The following DAB1 variants were observed in gnomAD, a reference collection of about 807,000 sequenced individuals.
DAB1 encodes the protein disabled homolog 1.
In DAB1, 15 loss-of-function variants were observed where a neutral mutation model predicts 64.6. The observed-to-expected ratio is 0.23, with a 90% CI of 0.16 to 0.36. DAB1 has a LOEUF of 0.36. DAB1 is among the 10% of genes least tolerant of loss of function. The pLI is 1.00. For synonymous variants in DAB1, 235 were observed against 251.9 expected (o/e 0.93, Z 0.64); for missense variants, 596 against 706.7 (o/e 0.84, Z 1.78).
chr1:58,536,808 C>T, intron 1 of DAB1: 1 of 783,740 alleles, frequency 1.3e-6, no homozygotes. Flanking sequence ...AGCTCAAATG[C>T]ATACACTAGA....
At chr1:58,333,449 A>T (rs771670002) in intron 4 of DAB1, among the ~76,000 whole-genome samples, 1 of 152,260 alleles carries the variant, frequency 6.6e-6, no homozygotes, top group Non-Finnish European at 1.5e-5. Flanking sequence ...TTGATAGAGG[A>T]TGTTAACAGA....
chr1:57,496,437 A>G lies in DAB1; in HGVS notation n.625+153155T>C, dbSNP rs12121293. On this transcript the variant is annotated intron_variant and non_coding_transcript_variant, in intron 7 of 20. Transcript: ENST00000485760. Reference sequence around the variant, plus strand: ...TAAAAAAACACACACAGAACCTTCAATGGTGCCCAGTATACCGTAGATTCT... The same window carrying G: ...TAAAAAAACACACACAGAACCTTCAGTGGTGCCCAGTATACCGTAGATTCT... Among the ~76,000 whole-genome samples the G allele has an allele frequency of 4.3e-3, 654 of 152,324 alleles. 1 individual carries two copies. The highest frequency in any genetic ancestry group is 7.1e-3 in the Non-Finnish European group (484 of 68,030).
At chr1:57,416,432 A>G (rs910199011) in intron 1 of DAB1, among the ~76,000 whole-genome samples, 6 of 152,154 alleles carry the variant, frequency 3.9e-5, no homozygotes, top group Non-Finnish European at 7.4e-5. Flanking sequence ...CAATTTTAAA[A>G]TTTCCTCTTT....
At chr1:57,081,356 C>A (rs879661246) in intron 4 of DAB1, among the ~76,000 whole-genome samples, 1 of 152,158 alleles carries the variant, frequency 6.6e-6, no homozygotes, top group African/African-American at 2.4e-5. Flanking sequence ...AGTGTTCAAG[C>A]ACCAACAGTA....
rs563575623 is a variant in DAB1 at position 58,410,817 on chromosome 1, C to A, written n.258-67414G>T. On this transcript the variant is annotated intron_variant and non_coding_transcript_variant, in intron 3 of 20. Transcript: ENST00000485760. The stretch of plus-strand genomic sequence containing the variant: ...AATGATGGAGGAGAACTGCTGTCCT[C>A]CTTCCCAATCCCATAACCACCAATA... 4.6e-5 allele frequency among the ~76,000 whole-genome samples: 7 copies of A among 152,290 alleles called. No homozygotes were observed. In the East Asian group the frequency reaches 1.4e-3, roughly 29 times the overall value.
rs146884524 is a variant in DAB1 at position 57,235,364 on chromosome 1, T to C, written c.67+55600A>G. On this transcript the variant is annotated intron_variant, in intron 2 of 14. Transcript: ENST00000371236. ...ATAGGTCTGACACAAGAGATGTTATTTGTAGTAATGACAACATTTGCCTAT... is the reference window on the plus strand; with the variant it reads ...ATAGGTCTGACACAAGAGATGTTATCTGTAGTAATGACAACATTTGCCTAT... Among the ~76,000 whole-genome samples, 143 of 152,338 alleles carry C rather than the reference T, an allele frequency of 9.4e-4. 1 individual carries two copies. The highest frequency in any genetic ancestry group is 3.4e-3 in the Middle Eastern group (1 of 294).
chr1:57,945,384 C>T (rs1251163775), intron 5 of DAB1, among the ~76,000 whole-genome samples: 1 of 151,990 alleles, frequency 6.6e-6, no homozygotes, highest in African/African-American at 2.4e-5. Context: ...CTCAGCCTCT[C>T]AAGTAGCTGA....
chr1:57,400,595 A>T (rs1171005038), intron 1 of DAB1, among the ~76,000 whole-genome samples: 1 of 149,950 alleles, frequency 6.7e-6, no homozygotes, highest in African/African-American at 2.5e-5. Flanking sequence ...TATTTTTCAC[A>T]TTGTTTCTGG....
chr1:57,765,822 G>A lies in DAB1; in HGVS notation n.552-116157C>T, dbSNP rs116475108. Among the ~76,000 whole-genome samples, 673 of 152,138 alleles carry A rather than the reference G, an allele frequency of 4.4e-3. 2 individuals carry two copies. The highest frequency in any genetic ancestry group is 7.6e-3 in the Non-Finnish European group (520 of 67,992). ...TATTTTTATTTTTTATGAGAGACAG[G>A]GTTTCACCATGTTGGCCAGGCTGGT... On this transcript the variant is annotated intron_variant and non_coding_transcript_variant, in intron 6 of 20. Transcript: ENST00000485760.
intron 4 of DAB1, among the ~76,000 whole-genome samples, chr1:58,214,881 A>C (rs1658759550): frequency 6.6e-6 from 1 of 152,158 alleles, no homozygotes; most frequent in Non-Finnish European, 1.5e-5. Flanking sequence ...GCCTCTACCT[A>C]GAGTGAGTGA....
At chr1:58,524,854 A>G (rs1251319970) in intron 2 of DAB1, among the ~76,000 whole-genome samples, 1 of 152,242 alleles carries the variant, frequency 6.6e-6, no homozygotes, top group Non-Finnish European at 1.5e-5. Context: ...GAACTGCAAG[A>G]GACCATTTAC....
intron 3 of DAB1, among the ~76,000 whole-genome samples, chr1:58,409,310 G>A (rs1362496962): frequency 6.6e-6 from 1 of 152,062 alleles, no homozygotes; most frequent in Non-Finnish European, 1.5e-5. Context: ...CCTCATACAG[G>A]TGAAGTGATA....
chr1:57,735,326 T>C (rs556004906), intron 6 of DAB1, among the ~76,000 whole-genome samples: 3 of 152,216 alleles, frequency 2.0e-5, no homozygotes, highest in Non-Finnish European at 4.4e-5. Context: ...CTATAAATTG[T>C]GAATAAGAAT....
At chr1:57,687,586 T>C (rs1424040619) in intron 6 of DAB1, among the ~76,000 whole-genome samples, 46 of 56,370 alleles carry the variant, frequency 8.2e-4, no homozygotes, top group African/African-American at 3.1e-3. Context: ...ATATCGAAAG[T>C]AATCTTAAGA....
At chr1:58,423,920 C>T (rs1215753805) in intron 3 of DAB1, among the ~76,000 whole-genome samples, 1 of 152,202 alleles carries the variant, frequency 6.6e-6, no homozygotes, top group Non-Finnish European at 1.5e-5. Flanking sequence ...CTGCAAGGCT[C>T]CTAATAAATA....
chr1:57,356,701 T>C (rs1442086857), intron 1 of DAB1, among the ~76,000 whole-genome samples: 6 of 152,100 alleles, frequency 3.9e-5, no homozygotes, highest in African/African-American at 1.4e-4. Context: ...CGATGCAGTT[T>C]GTAGGAACAA....
chr1:57,416,162 AT>A (rs1358562066), intron 1 of DAB1, among the ~76,000 whole-genome samples: 1 of 152,310 alleles, frequency 6.6e-6, no homozygotes, highest in East Asian at 1.9e-4. Flanking sequence ...ATGTTGACAT[AT>A]ATACCATAAT....
At chr1:57,362,954 C>T (rs1679675224) in intron 1 of DAB1, among the ~76,000 whole-genome samples, 1 of 152,024 alleles carries the variant, frequency 6.6e-6, no homozygotes, top group South Asian at 2.1e-4. Context: ...CATGAAAAGA[C>T]AAAGAGATGA....
At chr1:57,704,040 G>A (rs151141029) in intron 6 of DAB1, among the ~76,000 whole-genome samples, 2 of 152,234 alleles carry the variant, frequency 1.3e-5, no homozygotes, top group African/African-American at 4.8e-5. Context: ...CCATTGGAGG[G>A]TGGAGGGTGA....
Sources: gnomAD v4.1 joint callset for allele counts (sites outside exome capture counted in the v4.1 genomes callset) on GRCh38, gnomAD v4.1.1 for gene constraint, MANE v1.5 for transcripts, NCBI Gene and HGNC (gene_info 2026-07-23, HGNC 2026-07-21) for gene names.